Variants in STMND1 observed in about 807,000 individuals in gnomAD.
STMND1 encodes the protein stathmin domain-containing protein 1.
Under a neutral mutation model 23.0 loss-of-function variants are expected in STMND1, and 17 were observed. The observed-to-expected ratio is 0.74, with a 90% CI of 0.51 to 1.11. STMND1 has a LOEUF of 1.11. Ranked by LOEUF, STMND1 falls within the 50% of genes least tolerant of loss-of-function variation. The probability of loss-of-function intolerance (pLI) is 0.00; values close to 1 mark genes in which losing one functional copy is unlikely to be tolerated. For missense variants in STMND1, 305 were observed against 329.1 expected, an observed-to-expected ratio of 0.93 and a Z score of 0.57; for synonymous variants, 114 against 119.9, an observed-to-expected ratio of 0.95 and a Z score of 0.32.
chr6:17,125,990 G>C (rs1481616994), intron 3 of STMND1, among the ~76,000 whole-genome samples: 9 of 115,674 alleles, frequency 7.8e-5, no homozygotes, highest in African/African-American at 2.7e-4. Flanking sequence ...ATGTGTTGTT[G>C]TTTCCACTGG....
At chr6:17,118,446 A>G (rs1272556853) in intron 2 of STMND1, among the ~76,000 whole-genome samples, 2 of 152,172 alleles carry the variant, frequency 1.3e-5, no homozygotes, top group Non-Finnish European at 2.9e-5. Context: ...TATCACTTTT[A>G]TAATCAAAAA....
At chr6:17,115,245 C>T in intron 2 of STMND1, 106 bp downstream of exon 2, 1 of 1,101,848 alleles carries the variant, frequency 9.1e-7, no homozygotes, top group Non-Finnish European at 1.3e-6. Flanking sequence ...CTTTCTGGGC[C>T]ATGAAGTACA....
intron 3 of STMND1, among the ~76,000 whole-genome samples, chr6:17,122,365 T>A (rs1761246066): frequency 6.6e-6 from 1 of 151,126 alleles, no homozygotes; most frequent in African/African-American, 2.4e-5. Context: ...AGCCAGAGAA[T>A]AAATGAATGA....
At chr6:17,110,980 A>G in intron 1 of STMND1, 1 of 433,730 alleles carries the variant, frequency 2.3e-6, no homozygotes. Flanking sequence ...GAGAGAAGAC[A>G]TGGTAGTCAG....
Position 17,130,906 on chromosome 6 carries a change from A to G in STMND1, c.*25A>G, listed in dbSNP as rs1320213087. 2 of 1,485,940 alleles carry G rather than the reference A, an allele frequency of 1.3e-6. No homozygotes were observed. The highest frequency in any genetic ancestry group is 1.8e-6 in the Non-Finnish European group (2 of 1,119,326). The allele number at this position is 1,485,940 out of a possible 1,614,324, so 92.0% of individuals were successfully genotyped here. On this transcript the variant is annotated 3_prime_UTR_variant, in exon 5 of 5. Coordinates refer to ENST00000536551, the MANE Select transcript of STMND1 (RefSeq NM_001190766.2). Reference sequence around the variant, plus strand: ...AGCCATTTTTTGTGAATTTCATAAGAAAGCATTCATTCTCCCCATTTGTGA... The same window carrying G: ...AGCCATTTTTTGTGAATTTCATAAGGAAGCATTCATTCTCCCCATTTGTGA...
intron 1 of STMND1, among the ~76,000 whole-genome samples, chr6:17,107,728 C>T (rs969260487): frequency 2.0e-5 from 3 of 152,152 alleles, no homozygotes; most frequent in African/African-American, 7.2e-5. Context: ...TGCTGAGTAG[C>T]TGGGAATACA....
intron 3 of STMND1, chr6:17,128,533 A>C (rs1360746786): frequency 1.3e-5 from 2 of 152,152 alleles, no homozygotes; most frequent in East Asian, 3.9e-4. Context: ...TTTCCTTCTA[A>C]GGGTTCATCT....
chr6:17,119,290 G>A (rs975125421), intron 2 of STMND1, among the ~76,000 whole-genome samples: 3 of 152,140 alleles, frequency 2.0e-5, no homozygotes, highest in Non-Finnish European at 2.9e-5. Flanking sequence ...CTCCTATACT[G>A]GAGAGGTTAA....
At chr6:17,110,556 T>G in intron 1 of STMND1, 1 of 273,240 alleles carries the variant, frequency 3.7e-6, no homozygotes, top group South Asian at 3.6e-5. Context: ...GATCACGAGG[T>G]CAAGAATTCG....
intron 3 of STMND1, among the ~76,000 whole-genome samples, 197 bp downstream of exon 3, chr6:17,120,955 A>C (rs1346063400): frequency 6.6e-6 from 1 of 152,158 alleles, no homozygotes; most frequent in Non-Finnish European, 1.5e-5. Flanking sequence ...CTCCCACCCA[A>C]ATCTCACCTT....
chr6:17,104,533 A>C (rs1760992319), intron 1 of STMND1, among the ~76,000 whole-genome samples: 1 of 152,178 alleles, frequency 6.6e-6, no homozygotes, highest in Admixed American at 6.5e-5. Context: ...AAGGCCCAGG[A>C]GGGTTCCTGG....
intron 1 of STMND1, among the ~76,000 whole-genome samples, chr6:17,112,946 G>A (rs115537397): frequency 7.1e-4 from 108 of 152,218 alleles, no homozygotes; most frequent in African/African-American, 1.5e-3. Context: ...ATTGTGTGTC[G>A]TTTTCATTAT....
intron 2 of STMND1, among the ~76,000 whole-genome samples, chr6:17,120,181 C>T (rs1452849458): frequency 2.6e-5 from 4 of 152,178 alleles, no homozygotes; most frequent in South Asian, 4.1e-4. Flanking sequence ...GGCAACATCA[C>T]GCTGTTTATC....
chr6:17,128,975 A>G, intron 3 of STMND1, 137 bp from the exon 4 acceptor site: 1 of 855,674 alleles, frequency 1.2e-6, no homozygotes, highest in Non-Finnish European at 1.7e-6. Context: ...GGCCTCCCAA[A>G]GTGCCGGGAT....
chr6:17,123,423 C>T (rs183075849), intron 3 of STMND1, among the ~76,000 whole-genome samples: 71 of 152,264 alleles, frequency 4.7e-4, no homozygotes, highest in Non-Finnish European at 9.4e-4. Context: ...TTGCAACAGA[C>T]CAGGCAGCAA....
chr6:17,109,456 T>C (rs552055492), intron 1 of STMND1, among the ~76,000 whole-genome samples: 1 of 152,356 alleles, frequency 6.6e-6, no homozygotes, highest in Non-Finnish European at 1.5e-5. Flanking sequence ...ACTTAGCCTC[T>C]GAGGAACTTC....
chr6:17,128,620 C>G (rs1761339073), intron 3 of STMND1: 1 of 152,348 alleles, frequency 6.6e-6, no homozygotes, highest in African/African-American at 2.4e-5. Flanking sequence ...TCTAAAAGAT[C>G]TTATCGTTAT....
intron 3 of STMND1, among the ~76,000 whole-genome samples, chr6:17,127,014 G>T (rs963021708): frequency 2.6e-5 from 4 of 152,118 alleles, no homozygotes; most frequent in African/African-American, 9.7e-5. Flanking sequence ...TGATCCCCCC[G>T]GCTGTAGGCT....
chr6:17,120,062 C>T (rs907555663), intron 2 of STMND1, among the ~76,000 whole-genome samples: 5 of 152,200 alleles, frequency 3.3e-5, no homozygotes, highest in African/African-American at 1.2e-4. Context: ...ACTCTAACTG[C>T]AATTCTGATT....
Sources: allele counts gnomAD v4.1 joint callset (sites outside exome capture counted in the v4.1 genomes callset), GRCh38; gene constraint gnomAD v4.1.1; transcripts MANE v1.5; gene names NCBI Gene and HGNC (gene_info 2026-07-23, HGNC 2026-07-21).